STEAP1B: variants seen among roughly 807,000 people sequenced by gnomAD.
STEAP1B encodes STEAP family member 1B.
In STEAP1B, 13 loss-of-function variants were observed where a neutral mutation model predicts 27.9. That is an observed-to-expected ratio of 0.47 (90% CI 0.30 to 0.74). STEAP1B has a LOEUF of 0.74. Among genes scored for constraint, STEAP1B ranks in the 30% least tolerant of loss-of-function variants. STEAP1B has a pLI of 0.06. For missense variants in STEAP1B, 250 were observed against 298.7 expected (o/e 0.84, Z 1.20); for synonymous variants, 86 against 107.1 (o/e 0.80, Z 1.22).
intron 4 of STEAP1B, among the ~76,000 whole-genome samples, chr7:22,463,306 G>A (rs1731533074): frequency 6.6e-6 from 1 of 151,874 alleles, no homozygotes; most frequent in Non-Finnish European, 1.5e-5. Context: ...AAATAAAAGA[G>A]GATACAAACA....
rs145628791 is a variant in STEAP1B, at chr7:22,479,372, T to C, written c.762+13193A>G. Among the ~76,000 whole-genome samples the C allele has an allele frequency of 3.3e-3, 507 of 152,330 alleles. 5 individuals carry two copies. The highest frequency in any genetic ancestry group is 6.0e-3 in the Non-Finnish European group (409 of 68,024). ...CTTAACAGAATCACATTATGCTGCA[T>C]AGTATTTTACAATTTGCAGCTCGTT... is the stretch of plus-strand genomic sequence containing the variant. On this transcript the variant is annotated intron_variant, in intron 4 of 4. Transcript: ENST00000678116.
intron 4 of STEAP1B, among the ~76,000 whole-genome samples, chr7:22,433,899 C>G (rs1785221828): frequency 6.6e-6 from 1 of 152,144 alleles, no homozygotes; most frequent in African/African-American, 2.4e-5. Context: ...TCTCCTTTGT[C>G]CTCTCAACTC....
At chr7:22,440,511 C>A (rs1785317316) in intron 4 of STEAP1B, among the ~76,000 whole-genome samples, 1 of 152,072 alleles carries the variant, frequency 6.6e-6, no homozygotes. Context: ...AATATTAACA[C>A]AATTCAATAT....
intron 4 of STEAP1B, among the ~76,000 whole-genome samples, chr7:22,485,685 C>T (rs1003052983): frequency 6.6e-6 from 1 of 152,176 alleles, no homozygotes; most frequent in Admixed American, 6.5e-5. Flanking sequence ...TTCCAATAGC[C>T]TGGAAACAAA....
chr7:22,432,991 T>C (rs565342919), intron 4 of STEAP1B, among the ~76,000 whole-genome samples: 3 of 152,286 alleles, frequency 2.0e-5, no homozygotes, highest in Admixed American at 2.0e-4. Context: ...GCCCTTCAGC[T>C]CTGCCGTTCC....
intron 4 of STEAP1B, among the ~76,000 whole-genome samples, chr7:22,469,999 C>T (rs575400602): frequency 6.6e-6 from 1 of 152,286 alleles, no homozygotes; most frequent in Admixed American, 6.5e-5. Context: ...AAGAGGTGTG[C>T]ATAGACATAA....
chr7:22,422,478 CT>C (rs1785055696), intron 4 of STEAP1B, among the ~76,000 whole-genome samples: 1 of 151,158 alleles, frequency 6.6e-6, no homozygotes, highest in Non-Finnish European at 1.5e-5. Flanking sequence ...GGAAAATAAA[CT>C]TGCTTATTTG....
intron 4 of STEAP1B, among the ~76,000 whole-genome samples, chr7:22,441,020 G>A (rs916270893): frequency 1.0e-3 from 154 of 149,856 alleles, no homozygotes; most frequent in African/African-American, 3.6e-3. Context: ...TAGTATATTT[G>A]ACATTAAAAT....
At chr7:22,441,954 C>CTTTT (rs1321080196) in intron 4 of STEAP1B, among the ~76,000 whole-genome samples, 1 of 152,174 alleles carries the variant, frequency 6.6e-6, no homozygotes, top group Non-Finnish European at 1.5e-5. Flanking sequence ...CTTGACTTTT[C>CTTTT]TTTCTTTAGT....
At chr7:22,475,237 T>C (rs1302303411) in intron 4 of STEAP1B, among the ~76,000 whole-genome samples, 1 of 152,186 alleles carries the variant, frequency 6.6e-6, no homozygotes, top group Non-Finnish European at 1.5e-5. Flanking sequence ...TGCTGGCCAG[T>C]ACACTAGCAG....
intron 4 of STEAP1B, among the ~76,000 whole-genome samples, chr7:22,432,323 G>A (rs1294992566): frequency 6.6e-6 from 1 of 151,804 alleles, no homozygotes; most frequent in Non-Finnish European, 1.5e-5. Flanking sequence ...AAGATCATTT[G>A]AGGCCATGAG....
intron 4 of STEAP1B, among the ~76,000 whole-genome samples, chr7:22,487,019 T>C (rs1043445775): frequency 2.6e-5 from 4 of 152,220 alleles, no homozygotes; most frequent in Non-Finnish European, 4.4e-5. Context: ...AAGTATTGCT[T>C]TGTCTTTTCA....
At chr7:22,479,679 CTTT>C (rs569050091) in intron 4 of STEAP1B, among the ~76,000 whole-genome samples, 7 of 92,114 alleles carry the variant, frequency 7.6e-5, no homozygotes, top group African/African-American at 2.8e-4. Context: ...TCATGTGTGG[CTTT>C]TTTTTTTTTT....
At chr7:22,425,973 C>A (rs1002766942) in intron 4 of STEAP1B, among the ~76,000 whole-genome samples, 3 of 152,208 alleles carry the variant, frequency 2.0e-5, no homozygotes, top group Non-Finnish European at 4.4e-5. Context: ...TATGTTGCTA[C>A]AGTTGTTTTT....
intron 4 of STEAP1B, among the ~76,000 whole-genome samples, chr7:22,456,972 A>ATTTTTTTTTTTTTTTTTTT (rs3064738): frequency 8.8e-5 from 5 of 57,034 alleles, no homozygotes; most frequent in South Asian, 1.0e-3. Flanking sequence ...ATATATATAT[A>ATTTTTTTTTTTTTTTTTTT]TTTTTTTTTT....
At chr7:22,498,382 T>C (rs1786478124) in intron 1 of STEAP1B, among the ~76,000 whole-genome samples, 1 of 152,002 alleles carries the variant, frequency 6.6e-6, no homozygotes, top group African/African-American at 2.4e-5. Flanking sequence ...ACCAACTTAA[T>C]AGTTTGTGGG....
At chr7:22,422,641 C>T (rs1785058753) in intron 4 of STEAP1B, among the ~76,000 whole-genome samples, 1 of 152,078 alleles carries the variant, frequency 6.6e-6, no homozygotes, top group Non-Finnish European at 1.5e-5. Context: ...TTACAGGCAC[C>T]CACCCCTAGG....
intron 4 of STEAP1B, among the ~76,000 whole-genome samples, chr7:22,457,472 G>A (rs1785606364): frequency 6.6e-6 from 1 of 152,170 alleles, no homozygotes; most frequent in Admixed American, 6.5e-5. Flanking sequence ...GAAATGGAGG[G>A]CCTTTAGTGC....
At chr7:22,480,227 C>T (rs914708442) in intron 4 of STEAP1B, among the ~76,000 whole-genome samples, 15 of 152,190 alleles carry the variant, frequency 9.9e-5, no homozygotes, top group African/African-American at 3.1e-4. Context: ...CCTACAGAAT[C>T]GTAAACAGGG....
Sources: gnomAD v4.1 joint callset for allele counts (sites outside exome capture counted in the v4.1 genomes callset) on GRCh38, gnomAD v4.1.1 for gene constraint, MANE v1.5 for transcripts, NCBI Gene and HGNC (gene_info 2026-07-23, HGNC 2026-07-21) for gene names.